SOX5: variants seen among roughly 807,000 people sequenced by gnomAD.
SOX5 encodes the protein transcription factor SOX-5.
SOX5 carries 9 observed loss-of-function variants against 92.0 expected under a neutral mutation model. That is an observed-to-expected ratio of 0.10 (90% CI 0.06 to 0.17). SOX5 has a LOEUF of 0.17. Ranked by LOEUF, SOX5 falls within the 10% of genes least tolerant of loss-of-function variation. SOX5 has a pLI of 1.00. For synonymous variants in SOX5, 344 were observed against 336.3 expected (o/e 1.02, Z -0.25); for missense variants, 642 against 944.5 (o/e 0.68, Z 4.20).
intron 13 of SOX5, among the ~76,000 whole-genome samples, chr12:23,540,556 T>A (rs1258593693): frequency 3.9e-5 from 6 of 152,142 alleles, no homozygotes; most frequent in African/African-American, 1.4e-4. Flanking sequence ...GTGAAGAGTT[T>A]GCGCTGGGCA....
At chr12:24,358,831 C>T (rs1404279434) in intron 2 of SOX5, among the ~76,000 whole-genome samples, 10 of 152,176 alleles carry the variant, frequency 6.6e-5, no homozygotes, top group African/African-American at 1.2e-4. Context: ...CATTTTGCTT[C>T]GTCAAACATT....
chr12:23,904,452 A>G (rs1252780136), intron 1 of SOX5, among the ~76,000 whole-genome samples: 4 of 152,170 alleles, frequency 2.6e-5, no homozygotes, highest in African/African-American at 9.7e-5. Context: ...GACAACATAG[A>G]ATAATAAAAA....
chr12:24,500,780 A>G (rs1258024621), intron 1 of SOX5, among the ~76,000 whole-genome samples: 3 of 152,212 alleles, frequency 2.0e-5, no homozygotes, highest in Non-Finnish European at 2.9e-5. Context: ...GCTTCTCCCA[A>G]ACAAATATAA....
At chr12:23,559,409 C>T (rs765930569) in intron 11 of SOX5, among the ~76,000 whole-genome samples, 1 of 152,116 alleles carries the variant, frequency 6.6e-6, no homozygotes, top group Non-Finnish European at 1.5e-5. Flanking sequence ...AACACTGTGT[C>T]CCAGAGTTTC....
intron 3 of SOX5, 113 bp downstream of exon 3, chr12:23,845,870 A>T: frequency 1.2e-6 from 1 of 844,708 alleles, no homozygotes; most frequent in South Asian, 1.5e-5. Context: ...ATAGGTTTCC[A>T]TCTTGCCCAA....
intron 7 of SOX5, among the ~76,000 whole-genome samples, chr12:23,658,941 A>G (rs1247629206): frequency 1.3e-5 from 2 of 152,154 alleles, no homozygotes. Flanking sequence ...AAGCCTAAAG[A>G]CATGATTATA....
chr12:24,096,054 A>T (rs542559949), intron 4 of SOX5, among the ~76,000 whole-genome samples: 1 of 152,296 alleles, frequency 6.6e-6, no homozygotes, highest in South Asian at 2.1e-4. Flanking sequence ...CTGGAAGATT[A>T]ATTGTGCTCA....
intron 3 of SOX5, among the ~76,000 whole-genome samples, chr12:23,795,928 T>C (rs1179753185): frequency 6.6e-6 from 1 of 152,082 alleles, no homozygotes; most frequent in Non-Finnish European, 1.5e-5. Context: ...ATTTAACTAA[T>C]AAACAAAAAA....
At chr12:24,477,564 G>A (rs1347208317) in intron 1 of SOX5, among the ~76,000 whole-genome samples, 3 of 151,922 alleles carry the variant, frequency 2.0e-5, no homozygotes, top group African/African-American at 7.3e-5. Flanking sequence ...AAATGACCTA[G>A]GTATGAGAGA....
intron 2 of SOX5, among the ~76,000 whole-genome samples, chr12:23,861,795 T>C (rs1399139549): frequency 6.6e-6 from 1 of 152,102 alleles, no homozygotes; most frequent in Non-Finnish European, 1.5e-5. Context: ...AGCTTTGAGG[T>C]GATTCACATT....
chr12:23,921,333 T>C (rs889080525), intron 1 of SOX5, among the ~76,000 whole-genome samples: 2 of 151,684 alleles, frequency 1.3e-5, no homozygotes, highest in African/African-American at 4.8e-5. Flanking sequence ...AGGCAAATCA[T>C]GGCAGCAGTG....
intron 4 of SOX5, among the ~76,000 whole-genome samples, chr12:24,050,188 A>G (rs888050005): frequency 2.0e-5 from 3 of 151,060 alleles, no homozygotes; most frequent in African/African-American, 4.8e-5. Flanking sequence ...TAAAATGTGG[A>G]TTTTATAAGG....
intron 4 of SOX5, among the ~76,000 whole-genome samples, chr12:24,208,054 A>C (rs1958204035): frequency 6.6e-6 from 1 of 152,152 alleles, no homozygotes; most frequent in South Asian, 2.1e-4. Context: ...CATTATTCAA[A>C]GTTGAAATTG....
intron 4 of SOX5, among the ~76,000 whole-genome samples, chr12:24,182,219 C>A (rs528367358): frequency 8.6e-5 from 13 of 152,024 alleles, no homozygotes; most frequent in Non-Finnish European, 1.6e-4. Context: ...TAGGCCACAG[C>A]AAACAAAACT....
chr12:24,067,543 T>C (rs868245531), intron 4 of SOX5, among the ~76,000 whole-genome samples: 2 of 152,182 alleles, frequency 1.3e-5, no homozygotes, highest in Non-Finnish European at 2.9e-5. Context: ...ATCATTATTA[T>C]AGTAAAACTC....
chr12:24,044,934 T>A lies in SOX5; in HGVS notation c.-1-148910A>T, dbSNP rs116901776. On this transcript the variant is annotated intron_variant, in intron 4 of 4. Coordinates refer to the SOX5 transcript ENST00000446891. ...TCAGCATTACAATAAATGTAGCATG[T>A]TCTAACTGTTTTTAAAATATTTCTT... Among the ~76,000 whole-genome samples, 906 of 152,340 alleles carry A rather than the reference T, an allele frequency of 5.9e-3. 11 individuals carry two copies. The highest frequency in any genetic ancestry group is 0.033 in the South Asian group (157 of 4,826).
At chr12:23,974,997 T>A (rs1303330250) in intron 4 of SOX5, among the ~76,000 whole-genome samples, 1 of 152,098 alleles carries the variant, frequency 6.6e-6, no homozygotes, top group Admixed American at 6.6e-5. Context: ...TAACTTCTAT[T>A]TGATGCTAAG....
intron 4 of SOX5, among the ~76,000 whole-genome samples, chr12:24,028,798 A>G (rs1186077796): frequency 6.6e-6 from 1 of 152,020 alleles, no homozygotes; most frequent in Admixed American, 6.6e-5. Context: ...GTCCCTTTGG[A>G]TGACATAATT....
At chr12:24,551,298 T>C (rs1953135084) in intron 1 of SOX5, among the ~76,000 whole-genome samples, 1 of 152,040 alleles carries the variant, frequency 6.6e-6, no homozygotes, top group Admixed American at 6.6e-5. Context: ...TGGATTTTCA[T>C]AACAGTAAAA....
Sources: allele counts gnomAD v4.1 joint callset (sites outside exome capture counted in the v4.1 genomes callset), GRCh38; gene constraint gnomAD v4.1.1; transcripts MANE v1.5; gene names NCBI Gene and HGNC (gene_info 2026-07-23, HGNC 2026-07-21).